ERI1: variants seen among roughly 807,000 people sequenced by gnomAD.
ERI1 encodes 3'-5' exoribonuclease 1.
In ERI1, 39 loss-of-function variants were observed where a neutral mutation model predicts 39.7. That is an observed-to-expected ratio of 0.98 (90% CI 0.76 to 1.28). The LOEUF (loss-of-function observed/expected upper bound fraction) is 1.28, where lower values mean the gene tolerates loss of function less well. ERI1 is among the 50% of genes most tolerant of loss of function. The pLI, the probability that ERI1 is intolerant of heterozygous loss-of-function variation, is 0.00. For synonymous variants in ERI1, 204 were observed against 149.6 expected (o/e 1.36, Z -2.65); for missense variants, 581 against 416.9 (o/e 1.39, Z -3.43).
At chr8:9,066,559 A>G (rs1366707720) in intron 3 of ERI1, among the ~76,000 whole-genome samples, 1 of 152,198 alleles carries the variant, frequency 6.6e-6, no homozygotes, top group Non-Finnish European at 1.5e-5. Context: ...GAGGGTGACA[A>G]ATGACAGGCA....
rs181713804 is a variant in ERI1 at position 9,071,526 on chromosome 8, A to G, written n.300-44822A>G. On this transcript the variant is annotated intron_variant and non_coding_transcript_variant, in intron 3 of 3. Coordinates refer to the ERI1 transcript ENST00000518663. ...TGATGTCCTAATTACGAAAAGAAAT[A>G]AAAACACCTTCTCCAGTTTTCCGTT... is the stretch of plus-strand genomic sequence containing the variant. Among the ~76,000 whole-genome samples the G allele has an allele frequency of 4.9e-4, 75 of 152,366 alleles. 1 individual carries two copies. The highest frequency in any genetic ancestry group is 4.8e-3 in the Admixed American group (74 of 15,304).
Position 9,020,476 on chromosome 8 carries a change from ATATT to A in ERI1, c.807+15_807+18del, listed in dbSNP as rs1817765116. On this transcript the variant is annotated intron_variant, in intron 6 of 6. Coordinates refer to ENST00000250263, the MANE Select transcript of ERI1 (RefSeq NM_153332.4). ...GAAATTTTTACAAGGTAAAATTTCT[ATATT>A]TAATAATTACGTGGTTCTTAATGAT... 6.8e-7 allele frequency: 1 copy of A among 1,464,762 alleles called. No homozygotes were observed. Among genetic ancestry groups the A allele is most frequent in the Non-Finnish European group, 9.4e-7 (1 of 1,061,706 alleles). The allele number at this position is 1,464,762 out of a possible 1,614,324, so 90.7% of individuals were successfully genotyped here. A position where few individuals can be genotyped will look rare whatever the true frequency, so the allele number is the denominator to read the frequency against.
chr8:9,017,720 A>G (rs1288470870), intron 4 of ERI1, among the ~76,000 whole-genome samples: 1 of 152,196 alleles, frequency 6.6e-6, no homozygotes, highest in African/African-American at 2.4e-5. Context: ...GTAGTTCAGG[A>G]TGGTTCAGAT....
Position 9,030,117 on chromosome 8 carries a change from G to A in ERI1, c.*83G>A. On this transcript the variant is annotated 3_prime_UTR_variant, in exon 7 of 7. Coordinates refer to ENST00000250263, the MANE Select transcript of ERI1 (RefSeq NM_153332.4). ...AATCTCATTGAATTAGTCCTGTAGT[G>A]CAAACTTTAAGCACCTTAAAACATT... 1.3e-6 allele frequency: 2 copies of A among 1,548,768 alleles called. No individual in the cohort carries two copies. The highest frequency in any genetic ancestry group is 1.4e-5 in the African/African-American group (1 of 73,612).
intron 3 of ERI1, among the ~76,000 whole-genome samples, chr8:9,064,828 G>T (rs1173194385): frequency 6.6e-6 from 1 of 152,170 alleles, no homozygotes; most frequent in Non-Finnish European, 1.5e-5. Context: ...CACCAAACAG[G>T]CTTTGTGTGA....
chr8:9,056,684 A>G (rs948320316), intron 3 of ERI1, among the ~76,000 whole-genome samples: 45 of 152,196 alleles, frequency 3.0e-4, no homozygotes, highest in African/African-American at 8.9e-4. Flanking sequence ...GCACTATTAT[A>G]GTTTTTAAAA....
intron 3 of ERI1, among the ~76,000 whole-genome samples, chr8:9,067,491 C>G (rs113305022): frequency 6.6e-6 from 1 of 150,740 alleles, no homozygotes; most frequent in East Asian, 2.0e-4. Flanking sequence ...CCCATCTCTA[C>G]AAAAGATGCA....
At chr8:9,015,210 A>C (rs1033395219) in intron 3 of ERI1, among the ~76,000 whole-genome samples, 2 of 152,160 alleles carry the variant, frequency 1.3e-5, no homozygotes, top group Non-Finnish European at 2.9e-5. Flanking sequence ...CATCCACTTA[A>C]TAGATTAGTA....
At chr8:9,004,836 C>G (rs1480331335) in intron 1 of ERI1, among the ~76,000 whole-genome samples, 1 of 151,942 alleles carries the variant, frequency 6.6e-6, no homozygotes, top group Non-Finnish European at 1.5e-5. Flanking sequence ...TACAGGAACC[C>G]ACCACCACGC....
chr8:9,083,549 A>T (rs923998815), intron 3 of ERI1, among the ~76,000 whole-genome samples: 1 of 152,022 alleles, frequency 6.6e-6, no homozygotes, highest in Non-Finnish European at 1.5e-5. Flanking sequence ...GCAATCATCA[A>T]CTCATAATCA....
At chr8:9,049,592 A>T (rs190437269) in intron 3 of ERI1, among the ~76,000 whole-genome samples, 1 of 152,148 alleles carries the variant, frequency 6.6e-6, no homozygotes, top group East Asian at 1.9e-4. Context: ...TGTGTGCCTA[A>T]CAGTGAGTCC....
At chr8:9,033,757 G>A (rs140414880), downstream of ERI1, among the ~76,000 whole-genome samples, 1 of 152,194 alleles carries the variant, frequency 6.6e-6, no homozygotes, top group Non-Finnish European at 1.5e-5. Context: ...TATGGCTTGA[G>A]CCTTGCTCTT....
chr8:9,058,201 G>C (rs1475490012), intron 3 of ERI1, among the ~76,000 whole-genome samples: 1 of 152,200 alleles, frequency 6.6e-6, no homozygotes, highest in Non-Finnish European at 1.5e-5. Context: ...ACGTGGCCCT[G>C]GAGCTGGTGA....
intron 3 of ERI1, among the ~76,000 whole-genome samples, chr8:9,061,465 T>C (rs1798694067): frequency 6.6e-6 from 1 of 152,154 alleles, no homozygotes; most frequent in Admixed American, 6.5e-5. Context: ...GTGTAGAAAG[T>C]GAGTTGACCA....
In ERI1 at chr8:9,031,266, G is replaced by T. The variant is rs1797569681; in HGVS notation, c.*1232G>T. ...AGGTTTCCAAACCTATATCATATAG[G>T]GTGAAAAGCAGGAAAGTAGACATTT... On this transcript the variant is annotated 3_prime_UTR_variant, in exon 7 of 7. Transcript: ENST00000250263. 1 of 152,060 alleles carries T rather than the reference G, an allele frequency of 6.6e-6. No homozygotes were observed. Among genetic ancestry groups the T allele is most frequent in the Non-Finnish European group, 1.5e-5 (1 of 68,006 alleles). 9.4% of individuals were successfully genotyped at this position (152,060 alleles called of 1,614,324 possible).
chr8:9,095,851 G>C (rs1405408119), intron 3 of ERI1, among the ~76,000 whole-genome samples: 1 of 152,142 alleles, frequency 6.6e-6, no homozygotes, highest in Non-Finnish European at 1.5e-5. Context: ...CTGTGTTTAA[G>C]GATCATCTGT....
At chr8:9,004,918 C>G (rs1815820349) in intron 1 of ERI1, among the ~76,000 whole-genome samples, 1 of 152,004 alleles carries the variant, frequency 6.6e-6, no homozygotes, top group African/African-American at 2.4e-5. Flanking sequence ...GAACTCCTGA[C>G]CTCAGGTGAT....
chr8:9,062,115 A>C (rs1381316588), intron 3 of ERI1, among the ~76,000 whole-genome samples: 1 of 152,164 alleles, frequency 6.6e-6, no homozygotes, highest in African/African-American at 2.4e-5. Context: ...ATAGGCTTTA[A>C]AAGGCCATGT....
intron 6 of ERI1, among the ~76,000 whole-genome samples, chr8:9,023,341 A>G (rs959458666): frequency 5.3e-5 from 8 of 152,116 alleles, no homozygotes; most frequent in Non-Finnish European, 1.0e-4. Context: ...TCCAGTTGAG[A>G]AGCTCGATCC....
Sources: allele counts gnomAD v4.1 joint callset (sites outside exome capture counted in the v4.1 genomes callset), GRCh38; gene constraint gnomAD v4.1.1; transcripts MANE v1.5; gene names NCBI Gene and HGNC (gene_info 2026-07-23, HGNC 2026-07-21).